Variants in COL28A1 observed in about 807,000 individuals in gnomAD.
COL28A1 encodes collagen alpha-1(XXVIII) chain.
Under a neutral mutation model 150.2 loss-of-function variants are expected in COL28A1, and 161 were observed. The observed-to-expected ratio is 1.07, with a 90% CI of 0.94 to 1.22. The LOEUF is 1.22. Among genes scored for constraint, COL28A1 ranks in the 50% most tolerant of loss-of-function variants. The pLI is 0.00. For synonymous variants in COL28A1, 552 were observed against 469.7 expected, an observed-to-expected ratio of 1.18 and a Z score of -2.26; for missense variants, 1,617 against 1,388.3, an observed-to-expected ratio of 1.16 and a Z score of -2.62.
At position 7,453,452 on chromosome 7, in the gene COL28A1, T is replaced by C; in HGVS notation, c.1428A>G (p.Leu476=). ...PGPQGPAGQG[L]PGSKGEVGQM... ...TTTACAAAGTTACCTTGGAACCAGG[T>C]AAGCCCTGTCCTGCGGGCCCTTGTG... The change falls in exon 17 of 35, where the codon TTA becomes TTG. Residue 476 remains leucine (L), a synonymous_variant. Transcript: ENST00000399429. The C allele has an allele frequency of 8.1e-7, 1 of 1,240,354 alleles. No homozygotes were observed. Among genetic ancestry groups the C allele is most frequent in the Non-Finnish European group, 1.2e-6 (1 of 839,020 alleles). The allele number at this position is 1,240,354 out of a possible 1,614,324, so 76.8% of individuals were successfully genotyped here.
chr7:7,416,894 C>T (rs948254305), intron 27 of COL28A1, among the ~76,000 whole-genome samples: 2 of 152,070 alleles, frequency 1.3e-5, no homozygotes, highest in African/African-American at 4.8e-5. Flanking sequence ...AGAAGTTCTG[C>T]TATTTGAAAA....
At chr7:7,354,684 C>T (rs1780308708), downstream of COL28A1, among the ~76,000 whole-genome samples, 1 of 152,144 alleles carries the variant, frequency 6.6e-6, no homozygotes, top group Non-Finnish European at 1.5e-5. Context: ...ACTAAGAATG[C>T]TTTTTGTTCT....
downstream of COL28A1, chr7:7,356,963 C>T (rs1695301799): frequency 6.6e-6 from 1 of 152,130 alleles, no homozygotes; most frequent in Non-Finnish European, 1.5e-5. Context: ...GGCTATTCTT[C>T]CATCTCCTTC....
At chr7:7,502,042 C>T (rs183667399) in intron 11 of COL28A1, among the ~76,000 whole-genome samples, 1 of 152,136 alleles carries the variant, frequency 6.6e-6, no homozygotes, top group Non-Finnish European at 1.5e-5. Flanking sequence ...TCACAGGCGC[C>T]CGCCACCACG....
chr7:7,433,857 C>T (rs541502623), intron 23 of COL28A1, among the ~76,000 whole-genome samples: 20 of 152,200 alleles, frequency 1.3e-4, no homozygotes, highest in African/African-American at 4.6e-4. Flanking sequence ...GAAACTCTAA[C>T]AACAGGCAGA....
chr7:7,463,289 A>C (rs1466499165), intron 15 of COL28A1, among the ~76,000 whole-genome samples: 1 of 152,200 alleles, frequency 6.6e-6, no homozygotes, highest in Non-Finnish European at 1.5e-5. Flanking sequence ...AGGCAAAAAC[A>C]CCTCACTAAT....
At chr7:7,507,902 T>C (rs970967040) in intron 9 of COL28A1, among the ~76,000 whole-genome samples, 2 of 152,224 alleles carry the variant, frequency 1.3e-5, no homozygotes, top group African/African-American at 4.8e-5. Context: ...GTATGTCTGA[T>C]TTTGTGTCCT....
In COL28A1 at chr7:7,531,649, A is replaced by G. The variant is rs748878046; in HGVS notation, c.380T>C (p.Ile127Thr). The change falls in exon 3 of 35, where the codon ATA (isoleucine) becomes ACA (threonine). Residue 127 changes from isoleucine (I) to threonine (T), a missense_variant. Coordinates refer to ENST00000399429, the MANE Select transcript of COL28A1 (RefSeq NM_001037763.3). Reference sequence around the variant, plus strand: ...ATAATAAGAGAAGGTACCTTGCCCTATTAAATTCATAGACTTGACCTTCTG... The same window carrying G: ...ATAATAAGAGAAGGTACCTTGCCCTGTTAAATTCATAGACTTGACCTTCTG... ...FKQKVKSMNL[I>T]GQGTFSYYAI... 17 of 1,601,692 alleles carry G rather than the reference A, an allele frequency of 1.1e-5. No individual in the cohort carries two copies. Among genetic ancestry groups the G allele is most frequent in the Admixed American group, 5.0e-5 (3 of 59,972 alleles).
downstream of COL28A1, among the ~76,000 whole-genome samples, chr7:7,351,224 G>C (rs1780223787): frequency 6.6e-6 from 1 of 152,150 alleles, no homozygotes; most frequent in African/African-American, 2.4e-5. Flanking sequence ...CAGAATTAGA[G>C]GATAGGATGG....
intron 30 of COL28A1, among the ~76,000 whole-genome samples, chr7:7,378,612 GA>G (rs1217235393): frequency 6.6e-6 from 1 of 152,224 alleles, no homozygotes; most frequent in Non-Finnish European, 1.5e-5. Flanking sequence ...GAAAGGATAA[GA>G]GGGGGAGAGG....
At chr7:7,447,135 G>A (rs1265766485) in intron 18 of COL28A1, among the ~76,000 whole-genome samples, 2 of 152,162 alleles carry the variant, frequency 1.3e-5, no homozygotes, top group Non-Finnish European at 2.9e-5. Context: ...TAGACTAAAT[G>A]TTGCTGTAGT....
chr7:7,433,017 T>C (rs1284629413), intron 23 of COL28A1, among the ~76,000 whole-genome samples: 1 of 152,118 alleles, frequency 6.6e-6, no homozygotes, highest in Non-Finnish European at 1.5e-5. Context: ...GGGGCCCGAA[T>C]TATACGGGGA....
intron 21 of COL28A1, among the ~76,000 whole-genome samples, chr7:7,440,575 A>G (rs1785696101): frequency 6.6e-6 from 1 of 152,212 alleles, no homozygotes; most frequent in Non-Finnish European, 1.5e-5. Context: ...GAACATAAGT[A>G]TTTCTATGAG....
chr7:7,443,706 C>T (rs1444971882), intron 19 of COL28A1, 53 bp from the exon 20 acceptor site: 27 of 1,606,092 alleles, frequency 1.7e-5, no homozygotes, highest in Middle Eastern at 1.7e-4. Context: ...ACAGACTGTA[C>T]GTATCATCCC....
At chr7:7,495,302 T>C (rs1434186293) in intron 11 of COL28A1, among the ~76,000 whole-genome samples, 2 of 152,196 alleles carry the variant, frequency 1.3e-5, no homozygotes, top group Non-Finnish European at 2.9e-5. Flanking sequence ...ACCAGCCACA[T>C]TTCAAATGCC....
intron 16 of COL28A1, among the ~76,000 whole-genome samples, chr7:7,454,093 A>T (rs572746572): frequency 6.6e-6 from 1 of 152,326 alleles, no homozygotes; most frequent in Admixed American, 6.5e-5. Flanking sequence ...AAGGATATGC[A>T]CATATGTGTA....
chr7:7,444,122 G>C (rs1043474569), intron 19 of COL28A1, among the ~76,000 whole-genome samples: 7 of 151,572 alleles, frequency 4.6e-5, no homozygotes, highest in Non-Finnish European at 1.0e-4. Context: ...AGGGGGAGGC[G>C]GGGGGAGTGG....
chr7:7,460,328 GTGGGAGCCTAGGGA>G (rs1787506642), intron 15 of COL28A1, among the ~76,000 whole-genome samples: 1 of 151,846 alleles, frequency 6.6e-6, no homozygotes, highest in African/African-American at 2.4e-5. Flanking sequence ...ATATTTTTGA[GTGGGAGCCTAGGGA>G]TGGATATACA....
chr7:7,447,134 T>A (rs1382703979), intron 18 of COL28A1, among the ~76,000 whole-genome samples: 1 of 152,198 alleles, frequency 6.6e-6, no homozygotes, highest in Non-Finnish European at 1.5e-5. Context: ...CTAGACTAAA[T>A]GTTGCTGTAG....
Sources: gnomAD v4.1 joint callset for allele counts (sites outside exome capture counted in the v4.1 genomes callset) on GRCh38, gnomAD v4.1.1 for gene constraint, MANE v1.5 for transcripts, NCBI Gene and HGNC (gene_info 2026-07-23, HGNC 2026-07-21) for gene names.